Variants in SRGAP2 observed in about 807,000 individuals in gnomAD.
The protein encoded by SRGAP2 is SLIT-ROBO Rho GTPase-activating protein 2.
SRGAP2 carries 15 observed loss-of-function variants against 57.2 expected under a neutral mutation model. The ratio of observed to expected loss-of-function variants is 0.26; its 90% confidence interval spans 0.18 to 0.40. The LOEUF (loss-of-function observed/expected upper bound fraction) is 0.40. SRGAP2 is among the 10% of genes least tolerant of loss of function. SRGAP2 has a pLI of 1.00. For missense variants in SRGAP2, 520 were observed against 669.6 expected (o/e 0.78, Z 2.47); for synonymous variants, 249 against 248.0 (o/e 1.00, Z -0.04).
At chr1:206,291,271 G>A (rs1430324586) in intron 2 of SRGAP2, among the ~76,000 whole-genome samples, 24 of 152,092 alleles carry the variant, frequency 1.6e-4, no homozygotes, top group South Asian at 4.2e-4. Context: ...CTGTCTGAGT[G>A]AGCTTAGGCA....
At chr1:206,428,779 C>T (rs1298307133) in intron 13 of SRGAP2, among the ~76,000 whole-genome samples, 1 of 152,186 alleles carries the variant, frequency 6.6e-6, no homozygotes, top group African/African-American at 2.4e-5. Flanking sequence ...CCTCCCACCT[C>T]AGCCTCGCAA....
At chr1:206,422,980 T>G (rs907091114) in intron 13 of SRGAP2, among the ~76,000 whole-genome samples, 1 of 152,206 alleles carries the variant, frequency 6.6e-6, no homozygotes, top group African/African-American at 2.4e-5. Context: ...GTAAGTTACT[T>G]GGAAGGTGAG....
intron 10 of SRGAP2, among the ~76,000 whole-genome samples, chr1:206,413,587 C>T (rs1183819503): frequency 1.3e-5 from 2 of 152,118 alleles, no homozygotes; most frequent in Admixed American, 6.5e-5. Context: ...TTAGAGAGTA[C>T]GGGCACACTA....
chr1:206,373,036 C>T (rs1553343016), intron 4 of SRGAP2, among the ~76,000 whole-genome samples: 1 of 129,262 alleles, frequency 7.7e-6, no homozygotes, highest in African/African-American at 2.9e-5. Context: ...TTTTCTTTCT[C>T]TCTCTCTCTC....
intron 4 of SRGAP2, among the ~76,000 whole-genome samples, chr1:206,369,600 T>C (rs141566842): frequency 6.6e-6 from 1 of 152,216 alleles, no homozygotes; most frequent in Non-Finnish European, 1.5e-5. Context: ...AAGACTTGAA[T>C]AGGCATTTCT....
chr1:206,431,979 G>A (rs1438555062), intron 14 of SRGAP2, among the ~76,000 whole-genome samples: 3 of 152,264 alleles, frequency 2.0e-5, no homozygotes, highest in Admixed American at 6.5e-5. Flanking sequence ...GATGAAGCTG[G>A]AAGCCAGACT....
intron 13 of SRGAP2, among the ~76,000 whole-genome samples, chr1:206,423,908 G>A (rs1029670304): frequency 6.7e-6 from 1 of 150,362 alleles, no homozygotes; most frequent in Admixed American, 6.6e-5. Context: ...CTGAGTAGCT[G>A]GGACTACAGG....
intron 18 of SRGAP2, among the ~76,000 whole-genome samples, chr1:206,448,959 C>T (rs1263548911): frequency 6.6e-6 from 1 of 152,182 alleles, no homozygotes; most frequent in African/African-American, 2.4e-5. Context: ...CTGAACTGGT[C>T]ACCCAGTCTT....
intron 2 of SRGAP2, chr1:206,214,740 C>A (rs567641254): frequency 1.4e-5 from 2 of 148,032 alleles, no homozygotes; most frequent in South Asian, 4.3e-4. Context: ...TGCTGTGAGC[C>A]GAGATCGTGC....
chr1:206,453,197 C>A lies in SRGAP2; in HGVS notation c.2180-3C>A. ...GTGTTTACTTCTTTTCCACCCTTCT[C>A]AGAATGTGAGCCCATCGAGGCCATT... On this transcript the variant is annotated splice_region_variant and splice_polypyrimidine_tract_variant and intron_variant, in intron 19 of 22. Transcript: ENST00000573034. 1 of 509,088 alleles carries A rather than the reference C, an allele frequency of 2.0e-6. No homozygotes were observed. Among genetic ancestry groups the A allele is most frequent in the South Asian group, 3.0e-5 (1 of 33,028 alleles). The allele number at this position is 509,088 out of a possible 1,614,324, so 31.5% of individuals were successfully genotyped here. A position where few individuals can be genotyped will look rare whatever the true frequency, so the allele number is the denominator to read the frequency against.
At chr1:206,239,466 T>C (rs554967877) in intron 2 of SRGAP2, among the ~76,000 whole-genome samples, 46 of 152,296 alleles carry the variant, frequency 3.0e-4, no homozygotes, top group Admixed American at 1.4e-3. Flanking sequence ...GTTTTTTTTC[T>C]TTCTTTTTTG....
intron 2 of SRGAP2, among the ~76,000 whole-genome samples, chr1:206,291,750 G>A (rs1293317215): frequency 2.7e-5 from 4 of 149,130 alleles, no homozygotes; most frequent in Non-Finnish European, 5.9e-5. Flanking sequence ...CTTTTGTGGG[G>A]ACAGTTTACC....
intron 10 of SRGAP2, among the ~76,000 whole-genome samples, chr1:206,413,784 A>G (rs1328569482): frequency 2.6e-5 from 4 of 152,210 alleles, no homozygotes; most frequent in African/African-American, 4.8e-5. Context: ...AAAAAGACAC[A>G]TGAGTAATAA....
intron 2 of SRGAP2, among the ~76,000 whole-genome samples, chr1:206,231,808 G>A (rs1240168509): frequency 6.6e-6 from 1 of 151,840 alleles, no homozygotes; most frequent in Non-Finnish European, 1.5e-5. Flanking sequence ...AAAGTGTTGG[G>A]AGTACAGATG....
chr1:206,259,524 ACAGGGTCTCCCTATGTTCCC>A (rs1553313113), intron 2 of SRGAP2, among the ~76,000 whole-genome samples: 2 of 150,930 alleles, frequency 1.3e-5, no homozygotes, highest in Admixed American at 6.6e-5. Context: ...TTTTGTAGAG[ACAGGGTCTCCCTATGTTCCC>A]CAGGCTGATC....
chr1:206,437,919 CCT>C (rs782612571), intron 15 of SRGAP2, 43 bp from the exon 16 acceptor site: 2 of 776,828 alleles, frequency 2.6e-6, no homozygotes, highest in East Asian at 4.9e-5. Flanking sequence ...TGTGTTTTTG[CCT>C]CTCTCACTCT....
At chr1:206,448,956 G>C (rs1663003844) in intron 18 of SRGAP2, among the ~76,000 whole-genome samples, 1 of 152,114 alleles carries the variant, frequency 6.6e-6, no homozygotes, top group Non-Finnish European at 1.5e-5. Flanking sequence ...GTTCTGAACT[G>C]GTCACCCAGT....
chr1:206,249,372 G>C (rs1330624395), intron 2 of SRGAP2, among the ~76,000 whole-genome samples: 1 of 152,130 alleles, frequency 6.6e-6, no homozygotes. Context: ...ACTGGATAAA[G>C]AAAATATGGC....
intron 2 of SRGAP2, among the ~76,000 whole-genome samples, chr1:206,294,769 T>G (rs1671495944): frequency 6.6e-6 from 1 of 151,010 alleles, no homozygotes; most frequent in Non-Finnish European, 1.5e-5. Flanking sequence ...CCAGCAGACT[T>G]CCTTCACTGT....
Sources: allele counts gnomAD v4.1 joint callset (sites outside exome capture counted in the v4.1 genomes callset), GRCh38; gene constraint gnomAD v4.1.1; transcripts MANE v1.5; gene names NCBI Gene and HGNC (gene_info 2026-07-23, HGNC 2026-07-21).